PPP2R3B: variants seen among roughly 807,000 people sequenced by gnomAD.
PPP2R3B encodes protein phosphatase 2 regulatory subunit B''beta, also known as serine/threonine-protein phosphatase 2A regulatory subunit B'' subunit beta.
PPP2R3B carries 68 observed loss-of-function variants against 72.9 expected under a neutral mutation model. That is an observed-to-expected ratio of 0.93 (90% CI 0.77 to 1.14). The LOEUF is 1.14. PPP2R3B is among the 50% of genes most tolerant of loss of function. The pLI, the probability that PPP2R3B is intolerant of heterozygous loss-of-function variation, is 0.00. For synonymous variants in PPP2R3B, 466 were observed against 375.8 expected (o/e 1.24, Z -2.78); for missense variants, 1,018 against 842.0 (o/e 1.21, Z -2.59).
intron 1 of PPP2R3B, among the ~76,000 whole-genome samples, chrX:369,309 C>T (rs1393484334): frequency 6.6e-6 from 1 of 152,202 alleles, no homozygotes; most frequent in African/African-American, 2.4e-5. Context: ...AAATCCTCCT[C>T]AGTACGTGTA....
chrX:347,381 C>A (rs772265580), intron 3 of PPP2R3B, 45 bp from the exon 4 acceptor site: 83 of 1,569,544 alleles, frequency 5.3e-5, no homozygotes, highest in Non-Finnish European at 6.8e-5. Flanking sequence ...AGGGGGGTGG[C>A]TTTCGACCCC....
chrX:346,615 C>T (rs2071220373), intron 5 of PPP2R3B, 86 bp downstream of exon 5: 2 of 1,335,610 alleles, frequency 1.5e-6, no homozygotes, highest in African/African-American at 2.9e-5. Context: ...GCCCCGCCCG[C>T]CCCGTCCGCA....
intron 1 of PPP2R3B, among the ~76,000 whole-genome samples, chrX:377,844 CCG>C (rs1348551546): frequency 2.6e-5 from 3 of 116,362 alleles, no homozygotes; most frequent in South Asian, 2.7e-4. Flanking sequence ...CAGGGACGGG[CCG>C]TCCACACCCA....
At chrX:364,308 G>A (rs945268201) in intron 1 of PPP2R3B, among the ~76,000 whole-genome samples, 10 of 152,038 alleles carry the variant, frequency 6.6e-5, no homozygotes, top group Admixed American at 6.5e-5. Flanking sequence ...GTTCTCCCCC[G>A]AGAACTGACG....
intron 7 of PPP2R3B, 58 bp from the exon 8 acceptor site, chrX:341,989 AC>A (rs749466199): frequency 8.8e-6 from 14 of 1,595,662 alleles, no homozygotes; most frequent in Non-Finnish European, 1.2e-5. Flanking sequence ...CGACGTCACC[AC>A]CCCCCGGAGC....
chrX:341,507 T>TCCTCCTGCCCTCCTCCTGCCCC lies in PPP2R3B; in HGVS notation c.1086-112_1086-111insGGGGCAGGAGGAGGGCAGGAGG, dbSNP rs1556118458. 134 of 1,033,964 alleles carry TCCTCCTGCCCTCCTCCTGCCCC rather than the reference T, an allele frequency of 1.3e-4. 1 individual carries two copies. The highest frequency in any genetic ancestry group is 1.6e-4 in the Non-Finnish European group (104 of 664,202). 64.0% of individuals were successfully genotyped at this position (1,033,964 alleles called of 1,614,324 possible). A position where few individuals can be genotyped will look rare whatever the true frequency, so the allele number is the denominator to read the frequency against. ...GAGGGGAGCCCCCCGGGCCCGGCCC[T>TCCTCCTGCCCTCCTCCTGCCCC]CCTCCTGCCCCCCTCCTGCCCCTCC... On this transcript the variant is annotated intron_variant, in intron 8 of 12. Coordinates refer to ENST00000390665, the MANE Select transcript of PPP2R3B (RefSeq NM_013239.5).
At chrX:345,279 C>A (rs765588134) in intron 7 of PPP2R3B, 20 of 703,920 alleles carry the variant, frequency 2.8e-5, no homozygotes, top group South Asian at 2.4e-4. Context: ...CCACACTGAC[C>A]CTGTAGACGC....
intron 1 of PPP2R3B, among the ~76,000 whole-genome samples, chrX:377,296 A>G (rs1292567886): frequency 2.4e-4 from 4 of 16,608 alleles, no homozygotes; most frequent in African/African-American, 1.1e-3. Flanking sequence ...ACTACTGTGT[A>G]CAGGGACGGG....
At chrX:345,708 T>G (rs1267876494) in intron 6 of PPP2R3B, 36 bp from the exon 7 acceptor site, 1 of 1,585,480 alleles carries the variant, frequency 6.3e-7, no homozygotes. Flanking sequence ...GCGCGGGGCC[T>G]CTGCGGGGAT....
intron 7 of PPP2R3B, 73 bp downstream of exon 7, chrX:345,443 C>G (rs1244624693): frequency 6.3e-7 from 1 of 1,590,954 alleles, no homozygotes; most frequent in Non-Finnish European, 8.6e-7. Context: ...GAGGCAGCTG[C>G]AGACCCGCAG....
intron 1 of PPP2R3B, among the ~76,000 whole-genome samples, chrX:362,815 G>T (rs62587158): frequency 2.6e-5 from 4 of 151,790 alleles, no homozygotes; most frequent in Admixed American, 1.3e-4. Context: ...CCTCACCCCA[G>T]GTCACAAGGG....
intron 7 of PPP2R3B, among the ~76,000 whole-genome samples, chrX:344,043 C>G (rs1355249504): frequency 0.016 from 1,415 of 89,222 alleles, no homozygotes; most frequent in Non-Finnish European, 0.022. Context: ...ACGTCGCCAA[C>G]GGGAGGCGGG....
intron 7 of PPP2R3B, 155 bp downstream of exon 7, chrX:345,361 G>A: frequency 2.8e-6 from 3 of 1,065,682 alleles, no homozygotes; most frequent in Non-Finnish European, 4.2e-6. Context: ...GGAAGGAGAG[G>A]CAGCTGCAGA....
chrX:345,408 A>G (rs777153168), intron 7 of PPP2R3B, 108 bp downstream of exon 7: 1 of 1,432,428 alleles, frequency 7.0e-7, no homozygotes, highest in East Asian at 2.4e-5. Flanking sequence ...GCAGCTGCAG[A>G]CACAGAGCTG....
intron 1 of PPP2R3B, 146 bp from the exon 2 acceptor site, chrX:361,736 G>T: frequency 2.3e-6 from 2 of 871,432 alleles, no homozygotes; most frequent in Non-Finnish European, 3.6e-6. Flanking sequence ...AATCCCTGCG[G>T]GGGACCACAC....
chrX:338,901 G>A lies in PPP2R3B; in HGVS notation c.1352-5C>T, dbSNP rs767490788. 48 of 1,610,610 alleles carry A rather than the reference G, an allele frequency of 3.0e-5. No individual in the cohort carries two copies. The highest frequency in any genetic ancestry group is 1.7e-4 in the Middle Eastern group (1 of 5,910). On this transcript the variant is annotated splice_polypyrimidine_tract_variant and splice_region_variant and intron_variant, in intron 10 of 12. Coordinates refer to ENST00000390665, the MANE Select transcript of PPP2R3B (RefSeq NM_013239.5). ...GGTCCTGCAGCGTGATCTTCCCTGC[G>A]GGGAGGGGAGTGCGTCCAAGGCGCG...
Position 361,405 on chromosome X carries a change from C to G in PPP2R3B, c.510G>C (p.Lys170Asn). The G allele has an allele frequency of 6.2e-7, 1 of 1,614,004 alleles. No individual in the cohort carries two copies. Among genetic ancestry groups the G allele is most frequent in the Non-Finnish European group, 8.5e-7 (1 of 1,179,856 alleles). ...ATMDDMGLVA[K>N]ACGCPLYWKG... is the part of the protein sequence containing the mutation. Reference sequence around the variant, plus strand: ...TCCACGTCCCACGCGTGACACGTACCTTGGCCACCAGGCCCATGTCATCCA... The same window carrying G: ...TCCACGTCCCACGCGTGACACGTACGTTGGCCACCAGGCCCATGTCATCCA... The change falls in exon 2 of 13, where the codon AAG (lysine) becomes AAC (asparagine). Residue 170 changes from lysine to asparagine, a missense_variant and splice_region_variant. By Grantham distance (94) the Lys-to-Asn change is moderately conservative. Transcript: ENST00000390665.
intron 2 of PPP2R3B, among the ~76,000 whole-genome samples, chrX:356,955 C>T: frequency 6.7e-6 from 1 of 150,086 alleles, no homozygotes; most frequent in East Asian, 2.0e-4. Flanking sequence ...ACAGTATCCA[C>T]ACCACAGGAC....
intron 1 of PPP2R3B, among the ~76,000 whole-genome samples, chrX:361,897 G>A (rs999199693): frequency 2.0e-5 from 3 of 152,118 alleles, no homozygotes; most frequent in Non-Finnish European, 4.4e-5. Flanking sequence ...AGGCACCTGA[G>A]AGCCCAGCCA....
Sources: allele counts gnomAD v4.1 joint callset (sites outside exome capture counted in the v4.1 genomes callset), GRCh38; gene constraint gnomAD v4.1.1; transcripts MANE v1.5; gene names NCBI Gene and HGNC (gene_info 2026-07-23, HGNC 2026-07-21).